Variants in CDH4 observed in about 807,000 individuals in gnomAD.
The protein encoded by CDH4 is cadherin 4.
A neutral mutation model predicts 86.0 loss-of-function variants in CDH4; 33 were observed. The observed-to-expected ratio is 0.38, with a 90% confidence interval of 0.29 to 0.51. CDH4 has a LOEUF of 0.51. Among genes scored for constraint, CDH4 ranks in the 20% least tolerant of loss-of-function variants. The pLI, the probability that CDH4 is intolerant of heterozygous loss-of-function variation, is 0.86. For synonymous variants in CDH4, 555 were observed against 549.4 expected, an observed-to-expected ratio of 1.01 and a Z score of -0.14; for missense variants, 1,114 against 1,307.4, an observed-to-expected ratio of 0.85 and a Z score of 2.28.
chr20:61,617,668 G>A (rs369737563), intron 2 of CDH4, among the ~76,000 whole-genome samples: 1 of 152,208 alleles, frequency 6.6e-6, no homozygotes, highest in Non-Finnish European at 1.5e-5. Context: ...GGGCATGAAC[G>A]CCCTGAGCAC....
At chr20:61,409,978 A>G (rs1323305823) in intron 2 of CDH4, among the ~76,000 whole-genome samples, 3 of 152,226 alleles carry the variant, frequency 2.0e-5, no homozygotes, top group Admixed American at 6.5e-5. Flanking sequence ...GGAGAACTAG[A>G]TAACTCAGAA....
intron 2 of CDH4, among the ~76,000 whole-genome samples, chr20:61,431,080 C>G (rs1057220628): frequency 6.6e-6 from 1 of 152,226 alleles, no homozygotes; most frequent in Non-Finnish European, 1.5e-5. Context: ...CATGCTGGCT[C>G]TGTGTATGCA....
At chr20:61,720,124 G>A (rs1425483783) in intron 2 of CDH4, among the ~76,000 whole-genome samples, 8 of 152,134 alleles carry the variant, frequency 5.3e-5, no homozygotes, top group South Asian at 2.1e-4. Flanking sequence ...AGCATCGCCC[G>A]TGTGTCTGCA....
chr20:61,339,200 TA>T (rs2084636326), intron 2 of CDH4, among the ~76,000 whole-genome samples: 1 of 152,232 alleles, frequency 6.6e-6, no homozygotes, highest in Non-Finnish European at 1.5e-5. Context: ...TTTGTGTTCA[TA>T]TGGAATGAAA....
intron 2 of CDH4, among the ~76,000 whole-genome samples, chr20:61,528,289 A>C (rs1193026505): frequency 6.6e-6 from 1 of 151,030 alleles, no homozygotes; most frequent in Admixed American, 6.6e-5. Context: ...AGGCAGGAGA[A>C]TCACTTGAAC....
intron 2 of CDH4, among the ~76,000 whole-genome samples, chr20:61,259,098 A>G (rs1351428715): frequency 1.3e-5 from 2 of 152,230 alleles, no homozygotes; most frequent in African/African-American, 4.8e-5. Flanking sequence ...ATGGATGCTG[A>G]GTAGACCTTC....
At chr20:61,634,583 A>G (rs1044999597) in intron 2 of CDH4, among the ~76,000 whole-genome samples, 14 of 152,320 alleles carry the variant, frequency 9.2e-5, no homozygotes, top group South Asian at 4.1e-4. Flanking sequence ...TCCTGTGCCC[A>G]TCGCAGCAAT....
intron 2 of CDH4, among the ~76,000 whole-genome samples, chr20:61,326,896 G>C (rs779942740): frequency 9.9e-5 from 15 of 152,194 alleles, no homozygotes. Flanking sequence ...CCAGCTGTGA[G>C]GTGTAGTAAG....
chr20:61,631,651 GA>G (rs936988502), intron 2 of CDH4, among the ~76,000 whole-genome samples: 1 of 151,760 alleles, frequency 6.6e-6, no homozygotes, highest in Non-Finnish European at 1.5e-5. Context: ...CTCTAAAAAA[GA>G]AAAAAAAGAG....
chr20:61,363,248 T>A (rs1006857362), intron 2 of CDH4, among the ~76,000 whole-genome samples: 11 of 152,194 alleles, frequency 7.2e-5, no homozygotes, highest in African/African-American at 2.4e-4. Flanking sequence ...ATTCATTCAT[T>A]TATCCATTTG....
rs58490650 is a variant in CDH4, at chr20:61,903,016, CAAAAAAAAAAAAA to C, written c.1189-7394_1189-7382del. Among the ~76,000 whole-genome samples, 10 of 83,104 alleles carry C rather than the reference CAAAAAAAAAAAAA, an allele frequency of 1.2e-4. No homozygotes were observed. The Admixed American group carries it at 1.3e-3, about 11-fold the overall frequency. The allele number at this position is 83,104 out of a possible 152,430, so 54.5% of individuals were successfully genotyped here. Reference sequence around the variant, plus strand: ...CCTGGGCAACAGAGCAAGACTGTCTCAAAAAAAAAAAAAAAAAAAAAAAAGACACACAGTATTA... The same window carrying C: ...CCTGGGCAACAGAGCAAGACTGTCTCAAAAAAAAAAAGACACACAGTATTA... On this transcript the variant is annotated intron_variant, in intron 8 of 15. Transcript: ENST00000614565.
chr20:61,261,180 A>G (rs1215578924), intron 2 of CDH4, among the ~76,000 whole-genome samples: 2 of 152,200 alleles, frequency 1.3e-5, no homozygotes, highest in Non-Finnish European at 2.9e-5. Context: ...TTCCTAAGTC[A>G]GTGGTTCCTT....
intron 2 of CDH4, among the ~76,000 whole-genome samples, chr20:61,734,780 G>A (rs192791472): frequency 1.6e-4 from 25 of 152,158 alleles, no homozygotes; most frequent in East Asian, 3.9e-4. Flanking sequence ...TCCCTGTACC[G>A]CCAGTTTTCT....
chr20:61,620,195 T>TGGATGGATGGATGGATGGAC (rs2086761667), intron 2 of CDH4, among the ~76,000 whole-genome samples: 4 of 144,058 alleles, frequency 2.8e-5, no homozygotes, highest in Admixed American at 6.9e-5. Context: ...GGTGGATGGA[T>TGGATGGATGGATGGATGGAC]GGATGGATGG....
chr20:61,648,704 C>G (rs111843472), intron 2 of CDH4, among the ~76,000 whole-genome samples: 8 of 152,250 alleles, frequency 5.3e-5, no homozygotes, highest in Admixed American at 2.0e-4. Context: ...AGGCGCGCTC[C>G]CAGGGTTCAT....
At chr20:61,927,494 G>T (rs537885497) in intron 11 of CDH4, among the ~76,000 whole-genome samples, 12 of 152,182 alleles carry the variant, frequency 7.9e-5, no homozygotes, top group African/African-American at 2.9e-4. Context: ...CATCTGGAGC[G>T]GCCGCGCCTG....
chr20:61,878,511 C>T (rs1984140446), intron 7 of CDH4, among the ~76,000 whole-genome samples: 1 of 152,226 alleles, frequency 6.6e-6, no homozygotes, highest in Non-Finnish European at 1.5e-5. Context: ...CGAGGGCTTC[C>T]ATTAGGGAAG....
chr20:61,716,263 C>A (rs1221712196), intron 2 of CDH4, among the ~76,000 whole-genome samples: 5 of 139,606 alleles, frequency 3.6e-5, no homozygotes, highest in African/African-American at 1.6e-4. Context: ...GATGCTCCTT[C>A]CCTGTGAGCC....
At chr20:61,793,055 T>G (rs1325454562) in intron 4 of CDH4, among the ~76,000 whole-genome samples, 1 of 152,080 alleles carries the variant, frequency 6.6e-6, no homozygotes, top group Non-Finnish European at 1.5e-5. Flanking sequence ...CTCTGCCTCC[T>G]GGGTTCCAGT....
Sources: gnomAD v4.1 joint callset for allele counts (sites outside exome capture counted in the v4.1 genomes callset) on GRCh38, gnomAD v4.1.1 for gene constraint, MANE v1.5 for transcripts, NCBI Gene and HGNC (gene_info 2026-07-23, HGNC 2026-07-21) for gene names.